KCNQ3: variants seen among roughly 807,000 people sequenced by gnomAD.
KCNQ3 encodes the protein potassium voltage-gated channel subfamily Q member 3.
A neutral mutation model predicts 92.5 loss-of-function variants in KCNQ3; 30 were observed. The ratio of observed to expected loss-of-function variants is 0.32; its 90% CI spans 0.24 to 0.44. The LOEUF is 0.44. Ranked by LOEUF, KCNQ3 falls within the 20% of genes least tolerant of loss-of-function variation. KCNQ3 has a pLI of 1.00. For missense variants in KCNQ3, 913 were observed against 1,140.3 expected (o/e 0.80, Z 2.87); for synonymous variants, 450 against 468.8 (o/e 0.96, Z 0.52).
intron 1 of KCNQ3, among the ~76,000 whole-genome samples, chr8:132,467,611 G>A (rs978734204): frequency 6.6e-6 from 1 of 152,256 alleles, no homozygotes; most frequent in Admixed American, 6.5e-5. Flanking sequence ...CCCTCAGCCC[G>A]ACCTGCGTTT....
At chr8:132,262,371 T>C (rs1305421900) in intron 1 of KCNQ3, among the ~76,000 whole-genome samples, 1 of 152,210 alleles carries the variant, frequency 6.6e-6, no homozygotes. Context: ...ATGGGTGAAC[T>C]GTAAGGTATG....
At chr8:132,139,348 T>C (rs1472105852) in intron 11 of KCNQ3, among the ~76,000 whole-genome samples, 3 of 152,242 alleles carry the variant, frequency 2.0e-5, no homozygotes, top group Non-Finnish European at 4.4e-5. Flanking sequence ...ATTTCTGTCA[T>C]ATCCTACATA....
intron 1 of KCNQ3, among the ~76,000 whole-genome samples, chr8:132,328,704 C>T (rs1159004249): frequency 6.6e-6 from 1 of 152,086 alleles, no homozygotes; most frequent in Non-Finnish European, 1.5e-5. Context: ...CCATTTTTTA[C>T]AATACTCCGT....
chr8:132,211,054 T>G (rs1813836792), intron 1 of KCNQ3, among the ~76,000 whole-genome samples: 1 of 152,236 alleles, frequency 6.6e-6, no homozygotes, highest in Non-Finnish European at 1.5e-5. Context: ...GCCTGCCTTG[T>G]CTTCTATCAC....
intron 1 of KCNQ3, among the ~76,000 whole-genome samples, chr8:132,460,004 G>A (rs1359747573): frequency 1.3e-5 from 2 of 151,964 alleles, no homozygotes; most frequent in South Asian, 2.1e-4. Flanking sequence ...TGGCCAGGGG[G>A]TGCTCTTTCA....
intron 1 of KCNQ3, among the ~76,000 whole-genome samples, chr8:132,447,435 G>A (rs1342681425): frequency 6.6e-6 from 1 of 152,126 alleles, no homozygotes; most frequent in Non-Finnish European, 1.5e-5. Context: ...AGGTGGTGGA[G>A]GGGTACCTGT....
intron 1 of KCNQ3, among the ~76,000 whole-genome samples, chr8:132,432,436 C>A (rs1384416754): frequency 6.6e-6 from 1 of 151,218 alleles, no homozygotes; most frequent in African/African-American, 2.4e-5. Context: ...GAGGTTAAAA[C>A]AATCAAAAAT....
At chr8:132,450,067 G>A (rs970091118) in intron 1 of KCNQ3, among the ~76,000 whole-genome samples, 9 of 152,158 alleles carry the variant, frequency 5.9e-5, no homozygotes, top group Non-Finnish European at 1.2e-4. Flanking sequence ...CCCAAAGAGT[G>A]AGCAACAGGA....
chr8:132,436,072 G>C (rs1158224008), intron 1 of KCNQ3, among the ~76,000 whole-genome samples: 1 of 152,158 alleles, frequency 6.6e-6, no homozygotes, highest in Admixed American at 6.5e-5. Context: ...TCCAGGAAAA[G>C]CATTAATTAT....
chr8:132,158,051 C>T (rs1825863364), intron 9 of KCNQ3, among the ~76,000 whole-genome samples: 1 of 152,166 alleles, frequency 6.6e-6, no homozygotes, highest in Non-Finnish European at 1.5e-5. Context: ...GAGACTAAGT[C>T]TTCAGGACAT....
chr8:132,227,571 C>T (rs2130360512), intron 1 of KCNQ3, among the ~76,000 whole-genome samples: 1 of 152,312 alleles, frequency 6.6e-6, no homozygotes, highest in South Asian at 2.1e-4. Context: ...GTTTAAGCCA[C>T]TCAGTTTGTG....
chr8:132,358,568 T>C (rs1198672121), intron 1 of KCNQ3, among the ~76,000 whole-genome samples: 2 of 152,136 alleles, frequency 1.3e-5, no homozygotes, highest in African/African-American at 2.4e-5. Flanking sequence ...TACAAATATA[T>C]GCGTTTGATT....
At chr8:132,256,094 A>C (rs1382883706) in intron 1 of KCNQ3, among the ~76,000 whole-genome samples, 1 of 152,174 alleles carries the variant, frequency 6.6e-6, no homozygotes, top group Non-Finnish European at 1.5e-5. Flanking sequence ...ATATGTCCAA[A>C]ACACTAAAGG....
rs548578953 is a variant in KCNQ3 at position 132,374,321 on chromosome 8, C to T, written c.386+105826G>A. The stretch of plus-strand genomic sequence containing the variant: ...AAATGCCAGCTCCAGCACCAGGCAC[C>T]TCAGGAAATGGTGACTCACTTCTAG... On this transcript the variant is annotated intron_variant, in intron 1 of 14. Transcript: ENST00000388996. Among the ~76,000 whole-genome samples, 47 of 152,264 alleles carry T rather than the reference C, an allele frequency of 3.1e-4. 3 individuals are homozygous for T. The South Asian group carries it at 9.7e-3, about 32-fold the overall frequency.
At chr8:132,233,635 G>A (rs1292635481) in intron 1 of KCNQ3, among the ~76,000 whole-genome samples, 1 of 152,170 alleles carries the variant, frequency 6.6e-6, no homozygotes, top group Non-Finnish European at 1.5e-5. Flanking sequence ...AAAAAGCAGA[G>A]ACCTACATCC....
chr8:132,300,015 T>G (rs990165782), intron 1 of KCNQ3, among the ~76,000 whole-genome samples: 2 of 152,218 alleles, frequency 1.3e-5, no homozygotes, highest in Non-Finnish European at 2.9e-5. Flanking sequence ...TCTATTTATG[T>G]GTCTGATTCC....
intron 1 of KCNQ3, among the ~76,000 whole-genome samples, chr8:132,415,723 C>T (rs1481462589): frequency 6.6e-6 from 1 of 151,898 alleles, no homozygotes; most frequent in Non-Finnish European, 1.5e-5. Flanking sequence ...ACTGTGCATT[C>T]TCAACGGGAC....
At chr8:132,296,292 C>G (rs1478786926) in intron 1 of KCNQ3, among the ~76,000 whole-genome samples, 1 of 152,132 alleles carries the variant, frequency 6.6e-6, no homozygotes, top group East Asian at 1.9e-4. Flanking sequence ...GAAACTAAAG[C>G]TGAGATGTCA....
chr8:132,361,997 T>C (rs1372952286), intron 1 of KCNQ3, among the ~76,000 whole-genome samples: 2 of 152,174 alleles, frequency 1.3e-5, no homozygotes, highest in Admixed American at 6.5e-5. Context: ...TAAATAATAA[T>C]AGTAAAACGC....
Sources: allele counts gnomAD v4.1 joint callset (sites outside exome capture counted in the v4.1 genomes callset), GRCh38; gene constraint gnomAD v4.1.1; transcripts MANE v1.5; gene names NCBI Gene and HGNC (gene_info 2026-07-23, HGNC 2026-07-21).